PI4KA: variants seen among roughly 807,000 people sequenced by gnomAD.
The protein encoded by PI4KA is PI4-kinase alpha.
A neutral mutation model predicts 271.4 loss-of-function variants in PI4KA; 122 were observed. The observed-to-expected ratio is 0.45, with a 90% CI of 0.39 to 0.52. The LOEUF (loss-of-function observed/expected upper bound fraction) is 0.52. PI4KA is among the 20% of genes least tolerant of loss of function. The pLI is 0.00. For synonymous variants in PI4KA, 1,041 were observed against 1,078.8 expected (o/e 0.96, Z 0.69); for missense variants, 1,969 against 2,769.1 (o/e 0.71, Z 6.48).
intron 19 of PI4KA, among the ~76,000 whole-genome samples, chr22:20,769,441 A>AGGC (rs1026220423): frequency 6.6e-6 from 1 of 152,130 alleles, no homozygotes; most frequent in Non-Finnish European, 1.5e-5. Context: ...AGGCCAAGAC[A>AGGC]GGCAGATCAG....
At chr22:20,807,198 A>AT (rs1349117148) in intron 10 of PI4KA, among the ~76,000 whole-genome samples, 164 bp downstream of exon 10, 2 of 152,130 alleles carry the variant, frequency 1.3e-5, no homozygotes, top group African/African-American at 4.8e-5. Flanking sequence ...GATTTTTTAA[A>AT]TTTGCTTTTT....
At chr22:20,799,527 A>T (rs1935173947) in intron 15 of PI4KA, 144 bp downstream of exon 15, 1 of 739,498 alleles carries the variant, frequency 1.4e-6, no homozygotes, top group South Asian at 1.7e-5. Context: ...GCTTCACCTT[A>T]AATCTTGTGA....
intron 30 of PI4KA, among the ~76,000 whole-genome samples, chr22:20,744,333 TGGCA>T (rs1929819506): frequency 1.3e-5 from 2 of 152,202 alleles, no homozygotes; most frequent in Non-Finnish European, 2.9e-5. Context: ...CAAGAGCCTA[TGGCA>T]TGTAAGTGTT....
At position 20,799,280 on chromosome 22, in the gene PI4KA, C is replaced by T. The variant is rs758446045; in HGVS notation, c.1821-4G>A. ...GTCGGGAATCAAGTGAGCGTCCCTACAGAAGGAAGAACAGAAGCGCCCTAG... is the reference window on the plus strand; with the variant it reads ...GTCGGGAATCAAGTGAGCGTCCCTATAGAAGGAAGAACAGAAGCGCCCTAG... On this transcript the variant is annotated splice_region_variant and splice_polypyrimidine_tract_variant and intron_variant, in intron 15 of 54. Transcript: ENST00000255882. 1 of 1,515,130 alleles carries T rather than the reference C, an allele frequency of 6.6e-7. No homozygotes were observed. Among genetic ancestry groups the T allele is most frequent in the Non-Finnish European group, 8.8e-7 (1 of 1,135,268 alleles). 93.9% of individuals were successfully genotyped at this position (1,515,130 alleles called of 1,614,324 possible). A position where few individuals can be genotyped will look rare whatever the true frequency, so the allele number is the denominator to read the frequency against.
At position 20,751,186 on chromosome 22, in the gene PI4KA, A is replaced by C. The variant is rs1206380868; in HGVS notation, c.3153+107T>G. 4 of 882,082 alleles carry C rather than the reference A, an allele frequency of 4.5e-6. No individual in the cohort carries two copies. In the East Asian group the frequency reaches 1.1e-4, roughly 23 times the overall value. The allele number at this position is 882,082 out of a possible 1,614,324, so 54.6% of individuals were successfully genotyped here. ...ATGGGGCCAGCACCACCCACACCTC[A>C]AATTGCTGGGGACTGGGTGAGCTCA... is the stretch of plus-strand genomic sequence containing the variant. On this transcript the variant is annotated intron_variant, in intron 27 of 54. Coordinates refer to ENST00000255882, the MANE Select transcript of PI4KA (RefSeq NM_058004.4).
intron 36 of PI4KA, among the ~76,000 whole-genome samples, chr22:20,731,435 C>G (rs1928038432): frequency 6.6e-6 from 1 of 152,024 alleles, no homozygotes; most frequent in Non-Finnish European, 1.5e-5. Flanking sequence ...CTAAAGAAAA[C>G]CATCTCAGCC....
chr22:20,712,881 A>G lies in PI4KA; in HGVS notation c.5572-84T>C, dbSNP rs2629352. 2.3e-5 allele frequency: 35 copies of G among 1,548,434 alleles called. 1 individual carries two copies. The South Asian group carries it at 2.6e-4, about 12-fold the overall frequency. The stretch of plus-strand genomic sequence containing the variant: ...TTCTGGCTCATGCAGGGCAAAAGCC[A>G]AGCACCCAGAGATGGAGTGAGGTGG... On this transcript the variant is annotated intron_variant, in intron 48 of 54. Coordinates refer to ENST00000255882, the MANE Select transcript of PI4KA (RefSeq NM_058004.4).
chr22:20,731,745 C>T (rs1262501034), intron 36 of PI4KA, among the ~76,000 whole-genome samples: 4 of 152,122 alleles, frequency 2.6e-5, no homozygotes, highest in Admixed American at 6.6e-5. Flanking sequence ...CTGGCTAACA[C>T]GGTGAAACCC....
intron 2 of PI4KA, among the ~76,000 whole-genome samples, chr22:20,837,768 T>C (rs1925041990): frequency 6.6e-6 from 1 of 152,206 alleles, no homozygotes; most frequent in Admixed American, 6.5e-5. Context: ...ACAGTCACAC[T>C]ATTTTTTTGT....
At chr22:20,779,954 T>G in intron 19 of PI4KA, 1 of 1,614,216 alleles carries the variant, frequency 6.2e-7, no homozygotes, top group Non-Finnish European at 8.5e-7. Context: ...GGAGGAATTT[T>G]GGGTACACAC....
chr22:20,811,099 A>G lies in PI4KA; in HGVS notation c.1006-67T>C, dbSNP rs548517427. The G allele has an allele frequency of 8.4e-5, 100 of 1,193,712 alleles. 2 individuals are homozygous for G. In the South Asian group the frequency reaches 1.2e-3, roughly 15 times the overall value. The allele number at this position is 1,193,712 out of a possible 1,614,324, so 73.9% of individuals were successfully genotyped here. ...AGAGACAGGAATGCTAGCTCCTTCT[A>G]CCGAAAACCCATGACAAACTCACAT... On this transcript the variant is annotated intron_variant, in intron 8 of 54. Coordinates refer to ENST00000255882, the MANE Select transcript of PI4KA (RefSeq NM_058004.4).
At chr22:20,852,258 C>T (rs949217144) in intron 1 of PI4KA, among the ~76,000 whole-genome samples, 1 of 152,202 alleles carries the variant, frequency 6.6e-6, no homozygotes, top group Non-Finnish European at 1.5e-5. Context: ...TGAGTGCAAA[C>T]TGCAAACACA....
intron 2 of PI4KA, among the ~76,000 whole-genome samples, chr22:20,838,088 TC>T (rs758488616): frequency 2.0e-5 from 3 of 148,914 alleles, no homozygotes; most frequent in Non-Finnish European, 4.4e-5. Flanking sequence ...ACCACTGCAC[TC>T]CAGCCTGGGT....
chr22:20,839,598 G>A (rs1368665749), intron 1 of PI4KA, among the ~76,000 whole-genome samples: 2 of 152,188 alleles, frequency 1.3e-5, no homozygotes, highest in Non-Finnish European at 2.9e-5. Flanking sequence ...TTGGTAGGCC[G>A]AGGCAGGCGG....
Position 20,836,361 on chromosome 22 carries a change from A to G in PI4KA, c.274-1706T>C, listed in dbSNP as rs182521688. ...CCATAATAGATAACTAAAAACAAAG[A>G]ACTTTATCAAAAACAAAAGTTTTTT... is the stretch of plus-strand genomic sequence containing the variant. On this transcript the variant is annotated intron_variant, in intron 2 of 54. Coordinates refer to ENST00000255882, the MANE Select transcript of PI4KA (RefSeq NM_058004.4). Among the ~76,000 whole-genome samples the G allele has an allele frequency of 3.5e-3, 538 of 152,338 alleles. 3 individuals carry two copies. The highest frequency in any genetic ancestry group is 6.8e-3 in the Middle Eastern group (2 of 294).
At chr22:20,766,741 T>A (rs542766973) in intron 19 of PI4KA, among the ~76,000 whole-genome samples, 3 of 152,268 alleles carry the variant, frequency 2.0e-5, no homozygotes, top group African/African-American at 7.2e-5. Context: ...CAGTGGATGT[T>A]GAGCTCCCAT....
rs551143031 is a variant in PI4KA at position 20,712,801 on chromosome 22, G to A, written c.5572-4C>T. ...TGATCTGCAGGGCCAGCATGTCCTGGGAAGCCGGGAGGCGCAGGATGCGGT... is the reference window on the plus strand; with the variant it reads ...TGATCTGCAGGGCCAGCATGTCCTGAGAAGCCGGGAGGCGCAGGATGCGGT... On this transcript the variant is annotated splice_polypyrimidine_tract_variant and splice_region_variant and intron_variant, in intron 48 of 54. Coordinates refer to ENST00000255882, the MANE Select transcript of PI4KA (RefSeq NM_058004.4). 3 of 1,550,482 alleles carry A rather than the reference G, an allele frequency of 1.9e-6. No homozygotes were observed. The East Asian group carries it at 7.3e-5, about 38-fold the overall frequency.
chr22:20,857,029 T>A (rs1049170744), intron 1 of PI4KA, among the ~76,000 whole-genome samples: 2 of 152,264 alleles, frequency 1.3e-5, no homozygotes, highest in Non-Finnish European at 2.9e-5. Context: ...CTAGCTAGCA[T>A]GAGTTTGATT....
Position 20,729,525 on chromosome 22 carries a change from A to C in PI4KA, c.4489-19T>G. The C allele has an allele frequency of 6.4e-7, 1 of 1,567,180 alleles. No individual in the cohort carries two copies. The highest frequency in any genetic ancestry group is 1.2e-5 in the South Asian group (1 of 85,986). On this transcript the variant is annotated intron_variant, in intron 38 of 54. Transcript: ENST00000255882. Reference sequence around the variant, plus strand: ...CAGTGGCCTGGCAAGATAAGACATAAGGCCTGATATGCACCCCTTCTGTGA... The same window carrying C: ...CAGTGGCCTGGCAAGATAAGACATACGGCCTGATATGCACCCCTTCTGTGA...
Sources: allele counts gnomAD v4.1 joint callset (sites outside exome capture counted in the v4.1 genomes callset), GRCh38; gene constraint gnomAD v4.1.1; transcripts MANE v1.5; gene names NCBI Gene and HGNC (gene_info 2026-07-23, HGNC 2026-07-21).